The following UCK2 variants were observed in gnomAD, a reference collection of about 807,000 sequenced individuals.
UCK2 encodes cytidine monophosphokinase 2.
In UCK2, 6 loss-of-function variants were observed where a neutral mutation model predicts 30.8. The observed-to-expected ratio is 0.19, with a 90% CI of 0.11 to 0.38. UCK2 has a LOEUF of 0.38. UCK2 is among the 10% of genes least tolerant of loss of function. UCK2 has a pLI of 1.00. For missense variants in UCK2, 210 were observed against 339.8 expected (o/e 0.62, Z 3.00); for synonymous variants, 125 against 133.6 (o/e 0.94, Z 0.45).
At chr1:165,828,653 C>T (rs979424266) in intron 1 of UCK2, among the ~76,000 whole-genome samples, 3 of 152,166 alleles carry the variant, frequency 2.0e-5, no homozygotes, top group African/African-American at 7.2e-5. Flanking sequence ...CCAGGACGTA[C>T]GCGTCTTGGA....
intron 1 of UCK2, among the ~76,000 whole-genome samples, chr1:165,857,034 G>A (rs771842209): frequency 1.3e-5 from 2 of 151,628 alleles, no homozygotes; most frequent in African/African-American, 2.4e-5. Context: ...ATTTCAACTC[G>A]AAGAAAGGAC....
rs181154430 is a variant in UCK2, at chr1:165,861,346, C to T, written c.100-28858C>T. The stretch of plus-strand genomic sequence containing the variant: ...TTTGTATCCTAAAAACAGTAAAACT[C>T]GGCCGGGCGCGGTGGCTCACGCCTG... On this transcript the variant is annotated intron_variant, in intron 1 of 6. Transcript: ENST00000367879. Among the ~76,000 whole-genome samples the T allele has an allele frequency of 2.0e-4, 31 of 152,118 alleles. No homozygotes were observed. In the East Asian group the frequency reaches 5.4e-3, roughly 27 times the overall value.
intron 1 of UCK2, among the ~76,000 whole-genome samples, chr1:165,882,261 T>C (rs1655518080): frequency 1.3e-5 from 2 of 152,214 alleles, no homozygotes; most frequent in Admixed American, 1.3e-4. Flanking sequence ...GATAAGTTAC[T>C]TGTGGTTCCT....
At chr1:165,841,132 T>TAA (rs1491136272) in intron 1 of UCK2, among the ~76,000 whole-genome samples, 1 of 137,892 alleles carries the variant, frequency 7.3e-6, no homozygotes, top group African/African-American at 2.6e-5. Context: ...TATATATATA[T>TAA]AAAATGAATA....
chr1:165,898,998 G>A (rs1451194882), intron 4 of UCK2, among the ~76,000 whole-genome samples: 1 of 152,220 alleles, frequency 6.6e-6, no homozygotes, highest in African/African-American at 2.4e-5. Flanking sequence ...CAAAAAACAT[G>A]CTTGGCATGT....
chr1:165,887,718 G>A (rs770445507), intron 1 of UCK2, among the ~76,000 whole-genome samples: 27 of 151,922 alleles, frequency 1.8e-4, no homozygotes, highest in Non-Finnish European at 2.4e-4. Context: ...GGAAATTGAG[G>A]GCCTACAGGT....
intron 1 of UCK2, among the ~76,000 whole-genome samples, chr1:165,885,629 A>G (rs1326590262): frequency 6.6e-6 from 1 of 152,240 alleles, no homozygotes. Context: ...CTCACGCTCC[A>G]GTGGGCAGTG....
intron 1 of UCK2, among the ~76,000 whole-genome samples, chr1:165,865,044 A>G (rs1655017086): frequency 6.6e-6 from 1 of 152,182 alleles, no homozygotes; most frequent in Non-Finnish European, 1.5e-5. Flanking sequence ...AACTTAATGT[A>G]TACTGAACAT....
At position 165,881,784 on chromosome 1, in the gene UCK2, G is replaced by A. The variant is rs557848394; in HGVS notation, c.100-8420G>A. 2.6e-5 allele frequency among the ~76,000 whole-genome samples: 4 copies of A among 152,274 alleles called. No individual in the cohort carries two copies. In the East Asian group the frequency reaches 7.7e-4, roughly 29 times the overall value. ...AGTGCTGGTGAGTCTAAAGAGCAGA[G>A]CCAAACATGTAATTACATAAACCCA... is the stretch of plus-strand genomic sequence containing the variant. On this transcript the variant is annotated intron_variant, in intron 1 of 6. Transcript: ENST00000367879.
At chr1:165,890,481 G>A (rs1049423429) in intron 2 of UCK2, 118 bp downstream of exon 2, 2 of 1,034,882 alleles carry the variant, frequency 1.9e-6, no homozygotes, top group Non-Finnish European at 2.9e-6. Context: ...CTAGAACGTA[G>A]GGACTTGATA....
At chr1:165,897,089 A>G (rs1647284905) in intron 4 of UCK2, among the ~76,000 whole-genome samples, 1 of 152,342 alleles carries the variant, frequency 6.6e-6, no homozygotes, top group Admixed American at 6.5e-5. Flanking sequence ...GGTGCACGGC[A>G]GAGATGTACA....
At chr1:165,890,438 A>C in intron 2 of UCK2, 75 bp downstream of exon 2, 3 of 1,488,912 alleles carry the variant, frequency 2.0e-6, no homozygotes, top group Non-Finnish European at 2.8e-6. Flanking sequence ...GCTCATGAGG[A>C]AGTTGCTTAA....
chr1:165,861,801 A>G (rs1221303035), intron 1 of UCK2, among the ~76,000 whole-genome samples: 1 of 152,220 alleles, frequency 6.6e-6, no homozygotes, highest in Non-Finnish European at 1.5e-5. Context: ...CAGACAGCAC[A>G]TCTGGATTCA....
intron 1 of UCK2, among the ~76,000 whole-genome samples, chr1:165,843,849 C>T (rs1654385014): frequency 6.6e-6 from 1 of 152,226 alleles, no homozygotes; most frequent in African/African-American, 2.4e-5. Context: ...GTGCCTACTG[C>T]AACTCTCTTG....
At chr1:165,844,184 A>T (rs1002680949) in intron 1 of UCK2, among the ~76,000 whole-genome samples, 2 of 152,068 alleles carry the variant, frequency 1.3e-5, no homozygotes, top group African/African-American at 4.8e-5. Context: ...CAAAAAACCT[A>T]CTCTGCTCTA....
At chr1:165,848,559 C>T (rs531128236) in intron 1 of UCK2, among the ~76,000 whole-genome samples, 8 of 151,770 alleles carry the variant, frequency 5.3e-5, no homozygotes, top group Non-Finnish European at 1.0e-4. Flanking sequence ...TTGAACCCAC[C>T]GAGGCGGAGG....
intron 1 of UCK2, among the ~76,000 whole-genome samples, chr1:165,884,037 G>C (rs1462740627): frequency 6.9e-6 from 1 of 145,834 alleles, no homozygotes; most frequent in Non-Finnish European, 1.5e-5. Context: ...TAATGTCTGG[G>C]GGCTGCAATG....
At chr1:165,838,732 A>C (rs1036585139) in intron 1 of UCK2, among the ~76,000 whole-genome samples, 1 of 151,698 alleles carries the variant, frequency 6.6e-6, no homozygotes, top group South Asian at 2.1e-4. Context: ...TAGATGGCTT[A>C]GGTGCCTGTT....
intron 1 of UCK2, among the ~76,000 whole-genome samples, chr1:165,862,344 A>G (rs565202574): frequency 6.6e-6 from 1 of 152,324 alleles, no homozygotes; most frequent in African/African-American, 2.4e-5. Context: ...TGCTGCTTCC[A>G]GATCAGAAAA....
Sources: gnomAD v4.1 joint callset for allele counts (sites outside exome capture counted in the v4.1 genomes callset) on GRCh38, gnomAD v4.1.1 for gene constraint, MANE v1.5 for transcripts, NCBI Gene and HGNC (gene_info 2026-07-23, HGNC 2026-07-21) for gene names.